Variants in ADCY2 observed in about 807,000 individuals in gnomAD.
The protein encoded by ADCY2 is adenylate cyclase 2, also known as adenylate cyclase type 2.
Under a neutral mutation model 125.2 loss-of-function variants are expected in ADCY2, and 31 were observed. The ratio of observed to expected loss-of-function variants is 0.25; its 90% CI spans 0.19 to 0.33. The LOEUF is 0.33. ADCY2 is among the 10% of genes least tolerant of loss of function. The pLI, the probability that ADCY2 is intolerant of heterozygous loss-of-function variation, is 1.00. For missense variants in ADCY2, 904 were observed against 1,418.2 expected (o/e 0.64, Z 5.82); for synonymous variants, 512 against 548.4 (o/e 0.93, Z 0.93).
intron 2 of ADCY2, among the ~76,000 whole-genome samples, chr5:7,463,232 C>T (rs1435478663): frequency 2.0e-5 from 3 of 152,118 alleles, no homozygotes; most frequent in African/African-American, 2.4e-5. Context: ...GGACTGCTAA[C>T]GTCTTTTAAA....
intron 18 of ADCY2, among the ~76,000 whole-genome samples, chr5:7,783,301 C>T (rs1366509237): frequency 6.6e-6 from 1 of 152,124 alleles, no homozygotes; most frequent in Non-Finnish European, 1.5e-5. Context: ...GTGTCAGGCT[C>T]TGTGCCAGGG....
At chr5:7,774,671 C>T (rs947035292) in intron 18 of ADCY2, among the ~76,000 whole-genome samples, 66 of 152,112 alleles carry the variant, frequency 4.3e-4, no homozygotes, top group Non-Finnish European at 3.2e-4. Flanking sequence ...GGAGTTTTGC[C>T]TTTAGATCAC....
intron 3 of ADCY2, among the ~76,000 whole-genome samples, chr5:7,549,146 G>T (rs1261112421): frequency 6.6e-6 from 1 of 152,198 alleles, no homozygotes; most frequent in African/African-American, 2.4e-5. Flanking sequence ...GGCATATGAA[G>T]CAGGAGTGGT....
intron 22 of ADCY2, among the ~76,000 whole-genome samples, chr5:7,815,161 G>A (rs1373997919): frequency 1.3e-5 from 2 of 152,132 alleles, no homozygotes; most frequent in Non-Finnish European, 2.9e-5. Flanking sequence ...ATTTCCTCTT[G>A]GTGATCCCAC....
intron 3 of ADCY2, among the ~76,000 whole-genome samples, chr5:7,597,670 G>T (rs959687804): frequency 6.6e-6 from 1 of 152,170 alleles, no homozygotes; most frequent in Non-Finnish European, 1.5e-5. Flanking sequence ...CCAGCTACTC[G>T]GGAGGCTGAG....
At chr5:7,762,336 C>T (rs1055744603) in intron 16 of ADCY2, among the ~76,000 whole-genome samples, 1 of 152,252 alleles carries the variant, frequency 6.6e-6, no homozygotes, top group African/African-American at 2.4e-5. Context: ...TTATTAATCA[C>T]AGAAGAGGCA....
intron 2 of ADCY2, among the ~76,000 whole-genome samples, chr5:7,421,597 T>A (rs2126351383): frequency 6.6e-6 from 1 of 152,348 alleles, no homozygotes; most frequent in South Asian, 2.1e-4. Context: ...GGTTTAGGAC[T>A]TGAAGCTATC....
chr5:7,435,968 G>A (rs1407422172), intron 2 of ADCY2, among the ~76,000 whole-genome samples: 2 of 152,196 alleles, frequency 1.3e-5, no homozygotes, highest in African/African-American at 4.8e-5. Flanking sequence ...TGGTTTTTGA[G>A]TAGAGTCAGA....
At chr5:7,560,032 T>C (rs1202525513) in intron 3 of ADCY2, among the ~76,000 whole-genome samples, 1 of 152,182 alleles carries the variant, frequency 6.6e-6, no homozygotes, top group East Asian at 1.9e-4. Flanking sequence ...TCAGTTGTGG[T>C]TTATTCAAAG....
At chr5:7,629,487 T>C (rs1055756043) in intron 4 of ADCY2, among the ~76,000 whole-genome samples, 5 of 152,230 alleles carry the variant, frequency 3.3e-5, no homozygotes, top group Non-Finnish European at 7.3e-5. Flanking sequence ...AGTGGCCATT[T>C]GTACTATAAG....
intron 3 of ADCY2, among the ~76,000 whole-genome samples, chr5:7,574,934 G>A (rs1473200885): frequency 2.6e-5 from 4 of 152,150 alleles, no homozygotes. Context: ...ATAATATAAA[G>A]ACAGTGAAGA....
At chr5:7,809,650 T>A (rs1283549549) in intron 22 of ADCY2, among the ~76,000 whole-genome samples, 1 of 152,260 alleles carries the variant, frequency 6.6e-6, no homozygotes, top group African/African-American at 2.4e-5. Flanking sequence ...CTTTTGCAGT[T>A]TAGCCTTTAT....
At chr5:7,499,661 ATATATATATATATATATATATG>A (rs1442176736) in intron 2 of ADCY2, among the ~76,000 whole-genome samples, 5 of 111,422 alleles carry the variant, frequency 4.5e-5, no homozygotes, top group African/African-American at 1.2e-4. Context: ...ATATATATAT[ATATATATATATATATATATATG>A]TATATATATG....
intron 2 of ADCY2, among the ~76,000 whole-genome samples, chr5:7,518,787 C>A (rs1335938341): frequency 6.6e-6 from 1 of 152,128 alleles, no homozygotes; most frequent in Non-Finnish European, 1.5e-5. Flanking sequence ...TCAGAGTCCA[C>A]CCTGTTGTCT....
chr5:7,810,612 G>A (rs907856512), intron 22 of ADCY2, among the ~76,000 whole-genome samples: 4 of 151,988 alleles, frequency 2.6e-5, no homozygotes, highest in African/African-American at 7.2e-5. Flanking sequence ...TGATTGATTG[G>A]TGGGTTATCT....
intron 3 of ADCY2, among the ~76,000 whole-genome samples, chr5:7,534,360 C>T (rs1456512072): frequency 2.6e-5 from 4 of 152,116 alleles, no homozygotes; most frequent in Non-Finnish European, 5.9e-5. Context: ...TGAATAATTC[C>T]CACATGGAGA....
At chr5:7,508,684 C>T (rs986947748) in intron 2 of ADCY2, among the ~76,000 whole-genome samples, 2 of 152,206 alleles carry the variant, frequency 1.3e-5, no homozygotes, top group African/African-American at 4.8e-5. Context: ...GTGGGGAGCA[C>T]ACTTCACCTG....
chr5:7,611,347 C>A (rs1737566427), intron 3 of ADCY2, among the ~76,000 whole-genome samples: 1 of 151,714 alleles, frequency 6.6e-6, no homozygotes. Flanking sequence ...TATATGATAC[C>A]AAAAAAACTT....
intron 4 of ADCY2, among the ~76,000 whole-genome samples, chr5:7,687,878 A>G (rs73047978): frequency 0.051 from 7,706 of 152,270 alleles, 506 homozygotes; most frequent in African/African-American, 0.15. Flanking sequence ...ACAGGTTATC[A>G]TCATAAGCTC....
Sources: allele counts gnomAD v4.1 joint callset (sites outside exome capture counted in the v4.1 genomes callset), GRCh38; gene constraint gnomAD v4.1.1; transcripts MANE v1.5; gene names NCBI Gene and HGNC (gene_info 2026-07-23, HGNC 2026-07-21).